MAP7: variants seen among roughly 807,000 people sequenced by gnomAD.
MAP7 encodes the protein ensconsin.
A neutral mutation model predicts 94.8 loss-of-function variants in MAP7; 52 were observed. The observed-to-expected ratio is 0.55, with a 90% confidence interval of 0.44 to 0.69. The LOEUF (loss-of-function observed/expected upper bound fraction) is 0.69, where lower values mean the gene tolerates loss of function less well. MAP7 is among the 30% of genes least tolerant of loss of function. The pLI is 0.00. For missense variants in MAP7, 940 were observed against 964.6 expected, an observed-to-expected ratio of 0.97 and a Z score of 0.34; for synonymous variants, 350 against 357.0, an observed-to-expected ratio of 0.98 and a Z score of 0.22.
At chr6:136,366,102 G>C in intron 9 of MAP7, 84 bp from the exon 10 acceptor site, 2 of 1,386,946 alleles carry the variant, frequency 1.4e-6, no homozygotes, top group Non-Finnish European at 9.7e-7. Flanking sequence ...CGATGGAAGA[G>C]AATGCAGATA....
Position 136,489,205 on chromosome 6 carries a change from G to A in MAP7, c.67+61137C>T, listed in dbSNP as rs1218716912. ...TTTATGAGATTTCATAATTCACCTT[G>A]CCATCTGTTGGGGGGAAGGGGAACC... On this transcript the variant is annotated intron_variant, in intron 1 of 17. Coordinates refer to ENST00000354570, the MANE Select transcript of MAP7 (RefSeq NM_003980.6). 5.3e-5 allele frequency among the ~76,000 whole-genome samples: 8 copies of A among 151,798 alleles called. No individual in the cohort carries two copies. In the East Asian group the frequency reaches 1.5e-3, roughly 29 times the overall value.
chr6:136,499,128 C>T (rs1366120767), intron 1 of MAP7, among the ~76,000 whole-genome samples: 1 of 152,066 alleles, frequency 6.6e-6, no homozygotes, highest in African/African-American at 2.4e-5. Flanking sequence ...CCATGTTGGC[C>T]AGGCTGGTCT....
At chr6:136,452,204 AAAC>A (rs1801354983) in intron 1 of MAP7, among the ~76,000 whole-genome samples, 2 of 139,898 alleles carry the variant, frequency 1.4e-5, no homozygotes, top group Non-Finnish European at 3.0e-5. Flanking sequence ...AAACAAAACA[AAAC>A]AAAACAAAAC....
At chr6:136,425,857 C>T (rs530141686) in intron 1 of MAP7, among the ~76,000 whole-genome samples, 5 of 152,130 alleles carry the variant, frequency 3.3e-5, no homozygotes, top group Non-Finnish European at 7.4e-5. Context: ...TTTCATTTCC[C>T]ACACTACCTC....
intron 7 of MAP7, among the ~76,000 whole-genome samples, chr6:136,374,980 T>C (rs1775667559): frequency 6.6e-6 from 1 of 152,128 alleles, no homozygotes; most frequent in Non-Finnish European, 1.5e-5. Flanking sequence ...TAATTAAACA[T>C]GAACACTGTC....
Position 136,550,127 on chromosome 6 carries a change from C to G in MAP7, c.67+215G>C, listed in dbSNP as rs1023070017. ...GCCCGAGGGCGGCCGCAACCCCGGC[C>G]GGGGCCGAGCCGGGCTGGCCGAGCC... is the stretch of plus-strand genomic sequence containing the variant. On this transcript the variant is annotated intron_variant, in intron 1 of 17. Transcript: ENST00000354570. The surrounding 1 kb of genome is among the most constrained non-coding windows in gnomAD (Gnocchi z 5.1). 1.3e-5 allele frequency among the ~76,000 whole-genome samples: 2 copies of G among 150,710 alleles called. No individual in the cohort carries two copies. The highest frequency in any genetic ancestry group is 4.8e-5 in the African/African-American group (2 of 41,242).
intron 1 of MAP7, among the ~76,000 whole-genome samples, chr6:136,426,968 A>T (rs1793350545): frequency 6.6e-6 from 1 of 152,242 alleles, no homozygotes; most frequent in African/African-American, 2.4e-5. Context: ...ATAAAAGGAA[A>T]TCAGACAAAA....
rs1013642970 is a variant in MAP7 at position 136,397,017 on chromosome 6, T to G, written c.245-7500A>C. 2.0e-5 allele frequency among the ~76,000 whole-genome samples: 3 copies of G among 152,232 alleles called. No homozygotes were observed. In the East Asian group the frequency reaches 5.8e-4, roughly 29 times the overall value. On this transcript the variant is annotated intron_variant, in intron 3 of 17. Coordinates refer to ENST00000354570, the MANE Select transcript of MAP7 (RefSeq NM_003980.6). ...ATCTTTTAAAGGAAGAATATTTCTT[T>G]GTCTATCCAACTGTTATTGAATTCC...
chr6:136,413,051 A>C (rs1788000210), intron 2 of MAP7, among the ~76,000 whole-genome samples: 1 of 152,138 alleles, frequency 6.6e-6, no homozygotes, highest in Non-Finnish European at 1.5e-5. Flanking sequence ...AGTCCCAGCC[A>C]TTTGGGAGGC....
chr6:136,467,255 G>A (rs1318990657), intron 1 of MAP7, among the ~76,000 whole-genome samples: 2 of 152,168 alleles, frequency 1.3e-5, no homozygotes, highest in African/African-American at 4.8e-5. Context: ...TGGGCTTCCT[G>A]ATGCATTAAC....
At chr6:136,425,688 G>A (rs1792939337) in intron 1 of MAP7, among the ~76,000 whole-genome samples, 1 of 152,060 alleles carries the variant, frequency 6.6e-6, no homozygotes, top group East Asian at 1.9e-4. Context: ...ATTTGCATTA[G>A]AACAAGAAGG....
At chr6:136,443,046 T>C (rs1363087429) in intron 1 of MAP7, among the ~76,000 whole-genome samples, 2 of 152,176 alleles carry the variant, frequency 1.3e-5, no homozygotes, top group Non-Finnish European at 2.9e-5. Flanking sequence ...AATGCACATT[T>C]TTATACATTA....
At chr6:136,374,561 C>T (rs886667363) in intron 7 of MAP7, among the ~76,000 whole-genome samples, 1 of 152,164 alleles carries the variant, frequency 6.6e-6, no homozygotes, top group South Asian at 2.1e-4. Context: ...GAATGAAGTA[C>T]AGAAATATGA....
intron 1 of MAP7, among the ~76,000 whole-genome samples, chr6:136,501,002 T>C (rs528525233): frequency 5.3e-5 from 8 of 152,300 alleles, no homozygotes; most frequent in African/African-American, 1.9e-4. Context: ...CCAAGAATCT[T>C]ATTATTGTGA....
intron 5 of MAP7, among the ~76,000 whole-genome samples, chr6:136,385,481 T>G (rs1778951699): frequency 6.6e-6 from 1 of 152,178 alleles, no homozygotes. Context: ...ATGTTATGCT[T>G]TAGTTGGGGG....
chr6:136,538,698 G>A (rs978967446), intron 1 of MAP7, among the ~76,000 whole-genome samples: 1 of 151,508 alleles, frequency 6.6e-6, no homozygotes, highest in African/African-American at 2.4e-5. Context: ...GGGCTGAGAT[G>A]GGAGGATCGT....
intron 1 of MAP7, chr6:136,475,998 C>T (rs1810779682): frequency 6.6e-6 from 1 of 152,166 alleles, no homozygotes; most frequent in Non-Finnish European, 1.5e-5. Context: ...GTATCTTGTA[C>T]TCTTTCTCTG....
At chr6:136,527,584 A>G (rs1828087419) in intron 1 of MAP7, among the ~76,000 whole-genome samples, 1 of 152,210 alleles carries the variant, frequency 6.6e-6, no homozygotes, top group South Asian at 2.1e-4. Flanking sequence ...TGGGGTGATG[A>G]CTATCATTTA....
chr6:136,384,025 G>C (rs1184873818), intron 5 of MAP7, among the ~76,000 whole-genome samples: 2 of 152,290 alleles, frequency 1.3e-5, no homozygotes, highest in South Asian at 4.1e-4. Context: ...GAAATTCAAG[G>C]ATACAAGTGG....
Sources: gnomAD v4.1 joint callset for allele counts (sites outside exome capture counted in the v4.1 genomes callset) on GRCh38, gnomAD v4.1.1 for gene constraint, Gnocchi (gnomAD v3.1) non-coding constraint, MANE v1.5 for transcripts, NCBI Gene and HGNC (gene_info 2026-07-23, HGNC 2026-07-21) for gene names.